AGMO: variants seen among roughly 807,000 people sequenced by gnomAD.
AGMO encodes glyceryl-ether monooxygenase.
Under a neutral mutation model 60.2 loss-of-function variants are expected in AGMO, and 75 were observed. That is an observed-to-expected ratio of 1.25 (90% CI 1.03 to 1.51). The LOEUF is 1.51. AGMO is among the 40% of genes most tolerant of loss of function. The probability of loss-of-function intolerance (pLI) is 0.00; values close to 1 mark genes in which losing one functional copy is unlikely to be tolerated. For synonymous variants in AGMO, 261 were observed against 177.1 expected (o/e 1.47, Z -3.76); for missense variants, 763 against 525.5 (o/e 1.45, Z -4.42).
chr7:15,459,700 T>C (rs897440454), intron 3 of AGMO, among the ~76,000 whole-genome samples: 1 of 151,736 alleles, frequency 6.6e-6, no homozygotes, highest in African/African-American at 2.4e-5. Flanking sequence ...GATTTTATAA[T>C]GATTCTAAAA....
At chr7:15,212,086 C>A (rs1037690126) in intron 12 of AGMO, among the ~76,000 whole-genome samples, 1 of 151,938 alleles carries the variant, frequency 6.6e-6, no homozygotes, top group Non-Finnish European at 1.5e-5. Context: ...CAATGCTCTG[C>A]TAGACAATCA....
chr7:15,438,433 T>C (rs1583553164), intron 3 of AGMO, among the ~76,000 whole-genome samples: 1 of 152,322 alleles, frequency 6.6e-6, no homozygotes, highest in East Asian at 1.9e-4. Context: ...TACAATAATA[T>C]TTAATAACTT....
At chr7:15,139,079 A>C in the AGMO span, among the ~76,000 whole-genome samples, 1 of 152,118 alleles carries the variant, frequency 6.6e-6, no homozygotes, top group East Asian at 1.9e-4. Context: ...CTCTCAACCA[A>C]TTAACCACTT....
chr7:15,118,732 C>T, the AGMO span, among the ~76,000 whole-genome samples: 2 of 151,930 alleles, frequency 1.3e-5, no homozygotes, highest in African/African-American at 4.8e-5. Flanking sequence ...ATAAGTAAAC[C>T]TCTTTTAAAA....
intron 12 of AGMO, among the ~76,000 whole-genome samples, chr7:15,307,769 T>A (rs1386408133): frequency 2.6e-5 from 4 of 152,034 alleles, no homozygotes; most frequent in Non-Finnish European, 5.9e-5. Flanking sequence ...AAACTCAGTA[T>A]CTCTCCTTTC....
Position 15,362,432 on chromosome 7 carries a change from TTAA to T in AGMO, c.1263+3079_1263+3081del, listed in dbSNP as rs144177107. 9.5e-3 allele frequency among the ~76,000 whole-genome samples: 1,453 copies of T among 152,272 alleles called. 28 individuals carry two copies. Among genetic ancestry groups the T allele is most frequent in the African/African-American group, 0.034 (1,406 of 41,554 alleles). ...GTTTAATCATTAATGGCTTGTGGTT[TTAA>T]TAATAATAATAGTAACACTCTAATA... is the stretch of plus-strand genomic sequence containing the variant. On this transcript the variant is annotated intron_variant, in intron 12 of 12. Transcript: ENST00000342526.
Position 15,288,858 on chromosome 7 carries a change from A to T in AGMO, c.1263+76656T>A, listed in dbSNP as rs566756627. 9.7e-3 allele frequency among the ~76,000 whole-genome samples: 1,434 copies of T among 148,452 alleles called. 28 individuals are homozygous for T. Among genetic ancestry groups the T allele is most frequent in the African/African-American group, 0.032 (1,289 of 39,810 alleles). On this transcript the variant is annotated intron_variant, in intron 12 of 12. Transcript: ENST00000342526. ...CTTTAAAAAAATAAAAAATAAAAAA[A>T]AAAAAAATATATATACACTCTTATC... is the stretch of plus-strand genomic sequence containing the variant.
intron 12 of AGMO, among the ~76,000 whole-genome samples, chr7:15,269,122 C>A (rs919028647): frequency 6.6e-6 from 1 of 151,968 alleles, no homozygotes; most frequent in Non-Finnish European, 1.5e-5. Flanking sequence ...TGAAAGTAGG[C>A]ATAGATAATG....
the AGMO span, among the ~76,000 whole-genome samples, chr7:15,156,649 GC>G: frequency 1.3e-5 from 2 of 152,208 alleles, no homozygotes; most frequent in African/African-American, 4.8e-5. Context: ...TTCTCTAGGA[GC>G]CACTCAGGGC....
chr7:15,291,133 G>GTCC (rs1034643504), intron 12 of AGMO, among the ~76,000 whole-genome samples: 1 of 151,878 alleles, frequency 6.6e-6, no homozygotes, highest in Non-Finnish European at 1.5e-5. Context: ...TTCCCTTAAG[G>GTCC]TCCTTAGATG....
At chr7:15,469,267 C>T (rs995656058) in intron 3 of AGMO, among the ~76,000 whole-genome samples, 8 of 151,672 alleles carry the variant, frequency 5.3e-5, no homozygotes, top group South Asian at 4.2e-4. Flanking sequence ...GAACATGGAC[C>T]GTCTCATAAA....
At chr7:15,157,491 G>A in the AGMO span, among the ~76,000 whole-genome samples, 1 of 152,166 alleles carries the variant, frequency 6.6e-6, no homozygotes, top group Admixed American at 6.5e-5. Flanking sequence ...AGTTTGCCTT[G>A]CTATTTCTTA....
intron 12 of AGMO, among the ~76,000 whole-genome samples, chr7:15,317,243 T>TTTTATGGTAACTCCTGATTTGCA (rs1328328260): frequency 6.6e-6 from 1 of 152,146 alleles, no homozygotes; most frequent in Non-Finnish European, 1.5e-5. Flanking sequence ...TTAAGATTAT[T>TTTTATGGTAACTCCTGATTTGCA]TTTATGGTAA....
At chr7:15,226,086 T>C (rs1782073048) in intron 12 of AGMO, among the ~76,000 whole-genome samples, 1 of 152,078 alleles carries the variant, frequency 6.6e-6, no homozygotes, top group African/African-American at 2.4e-5. Flanking sequence ...CCCAGTCCTG[T>C]TCATCACCTT....
At chr7:15,259,249 GA>G (rs1386929891) in intron 12 of AGMO, among the ~76,000 whole-genome samples, 1 of 151,844 alleles carries the variant, frequency 6.6e-6, no homozygotes, top group Non-Finnish European at 1.5e-5. Context: ...TGCACTTAGA[GA>G]AATGCAAAAT....
the AGMO span, among the ~76,000 whole-genome samples, chr7:15,195,269 T>C: frequency 6.6e-6 from 1 of 151,956 alleles, no homozygotes; most frequent in East Asian, 1.9e-4. Flanking sequence ...ACAAAAGAAG[T>C]GAGTTGAAGA....
chr7:15,202,429 A>G (rs1245267463), intron 12 of AGMO, among the ~76,000 whole-genome samples: 4 of 145,474 alleles, frequency 2.7e-5, no homozygotes, highest in Non-Finnish European at 3.0e-5. Context: ...TGAGGAAAAA[A>G]CATCACCAAC....
At chr7:15,350,740 G>A (rs1039107542) in intron 12 of AGMO, among the ~76,000 whole-genome samples, 1 of 152,164 alleles carries the variant, frequency 6.6e-6, no homozygotes, top group African/African-American at 2.4e-5. Context: ...TCCTTTCTGT[G>A]ACAATTTGAT....
chr7:15,454,683 T>C (rs1781951427), intron 3 of AGMO, among the ~76,000 whole-genome samples: 1 of 152,094 alleles, frequency 6.6e-6, no homozygotes, highest in African/African-American at 2.4e-5. Flanking sequence ...TTCCATAATG[T>C]TCTCTTTTTA....
Sources: allele counts gnomAD v4.1 joint callset (sites outside exome capture counted in the v4.1 genomes callset), GRCh38; gene constraint gnomAD v4.1.1; transcripts MANE v1.5; gene names NCBI Gene and HGNC (gene_info 2026-07-23, HGNC 2026-07-21).